Variants in DIS3L2 observed in about 807,000 individuals in gnomAD.
DIS3L2 encodes the protein DIS3 like 3'-5' exoribonuclease 2.
DIS3L2 carries 34 observed loss-of-function variants against 97.5 expected under a neutral mutation model. The ratio of observed to expected loss-of-function variants is 0.35; its 90% CI spans 0.27 to 0.46. The LOEUF is 0.46. Ranked by LOEUF, DIS3L2 falls within the 20% of genes least tolerant of loss-of-function variation. DIS3L2 has a pLI of 1.00. For synonymous variants in DIS3L2, 435 were observed against 445.2 expected (o/e 0.98, Z 0.29); for missense variants, 1,038 against 1,146.0 (o/e 0.91, Z 1.36).
At chr2:232,068,911 G>T (rs1036023661) in intron 5 of DIS3L2, among the ~76,000 whole-genome samples, 1 of 151,988 alleles carries the variant, frequency 6.6e-6, no homozygotes, top group Non-Finnish European at 1.5e-5. Flanking sequence ...TTGCCTCCCG[G>T]GTTCAGGTGA....
chr2:231,977,765 G>A lies in DIS3L2; in HGVS notation c.-94+16000G>A, dbSNP rs537320621. On this transcript the variant is annotated intron_variant, in intron 1 of 20. Transcript: ENST00000325385. ...GAATTGAAAGCTGAGATTTCAAATGGGTTTCATGGAATTTTGATCAGTTAG... is the reference window on the plus strand; with the variant it reads ...GAATTGAAAGCTGAGATTTCAAATGAGTTTCATGGAATTTTGATCAGTTAG... 4.0e-4 allele frequency among the ~76,000 whole-genome samples: 61 copies of A among 152,252 alleles called. 1 individual carries two copies. The highest frequency in any genetic ancestry group is 1.4e-3 in the African/African-American group (59 of 41,552).
chr2:232,095,675 T>C (rs1696984993), intron 6 of DIS3L2, among the ~76,000 whole-genome samples: 1 of 152,220 alleles, frequency 6.6e-6, no homozygotes, highest in Non-Finnish European at 1.5e-5. Flanking sequence ...CTTCAGATGA[T>C]TTTTTATTGC....
At position 232,273,239 on chromosome 2, in the gene DIS3L2, C is replaced by T. The variant is rs925996681; in HGVS notation, c.1659+9799C>T. 2.0e-5 allele frequency among the ~76,000 whole-genome samples: 3 copies of T among 152,202 alleles called. No homozygotes were observed. In the East Asian group the frequency reaches 5.8e-4, roughly 29 times the overall value. The stretch of plus-strand genomic sequence containing the variant: ...TGTCTTTATCACACTGTCACATTGT[C>T]TTGCCATTTTCCTTTTGCTTCCCTG... On this transcript the variant is annotated intron_variant, in intron 13 of 20. Coordinates refer to ENST00000325385, the MANE Select transcript of DIS3L2 (RefSeq NM_152383.5).
intron 9 of DIS3L2, among the ~76,000 whole-genome samples, chr2:232,204,594 G>A (rs950757741): frequency 4.7e-4 from 72 of 152,234 alleles, no homozygotes; most frequent in African/African-American, 1.7e-3. Flanking sequence ...GCGGGTCAGG[G>A]TTAACTTCTT....
At position 232,030,054 on chromosome 2, in the gene DIS3L2, A is replaced by C; in HGVS notation, c.340A>C (p.Lys114Gln). The stretch of plus-strand genomic sequence containing the variant: ...CTTAAATGGGGATCTGGTGGTCGTG[A>C]AACTGCTTCCCGAGGAGCATTGGAA... ...RALNGDLVVV[K>Q]LLPEEHWKVV... Residue 114 changes from lysine (K) to glutamine (Q), a missense_variant, in exon 5 of 21, where the codon AAA (lysine) becomes CAA (glutamine). By Grantham distance (53) the Lys-to-Gln change is moderately conservative. Transcript: ENST00000325385. The C allele has an allele frequency of 6.2e-7, 1 of 1,611,680 alleles. No individual in the cohort carries two copies. The highest frequency in any genetic ancestry group is 8.5e-7 in the Non-Finnish European group (1 of 1,179,090).
At chr2:232,342,240 C>T (rs1438936441) in intron 13 of DIS3L2, among the ~76,000 whole-genome samples, 3 of 134,212 alleles carry the variant, frequency 2.2e-5, no homozygotes, top group African/African-American at 8.6e-5. Flanking sequence ...TATACACATA[C>T]ACATATATAC....
chr2:232,203,026 T>C (rs1486759302), intron 9 of DIS3L2, among the ~76,000 whole-genome samples: 1 of 152,232 alleles, frequency 6.6e-6, no homozygotes, highest in Non-Finnish European at 1.5e-5. Flanking sequence ...CTGGGCTCTC[T>C]GCAATGGTAC....
chr2:232,272,557 T>G (rs1318700504), intron 13 of DIS3L2, among the ~76,000 whole-genome samples: 1 of 152,120 alleles, frequency 6.6e-6, no homozygotes, highest in African/African-American at 2.4e-5. Flanking sequence ...AGGTAAGGGA[T>G]TTATCCCCTC....
At chr2:232,225,501 A>G (rs1692620714) in intron 10 of DIS3L2, among the ~76,000 whole-genome samples, 1 of 152,184 alleles carries the variant, frequency 6.6e-6, no homozygotes, top group South Asian at 2.1e-4. Flanking sequence ...TAGTTATGTA[A>G]AATACAAAGA....
intron 10 of DIS3L2, among the ~76,000 whole-genome samples, chr2:232,221,198 G>A (rs758091823): frequency 6.6e-5 from 10 of 152,096 alleles, no homozygotes; most frequent in East Asian, 1.9e-4. Context: ...CCAAGGGACC[G>A]GAATTCAGAA....
intron 1 of DIS3L2, among the ~76,000 whole-genome samples, chr2:231,990,358 A>C (rs1272516132): frequency 6.6e-6 from 1 of 152,144 alleles, no homozygotes; most frequent in Non-Finnish European, 1.5e-5. Flanking sequence ...TTGTCTCCGA[A>C]GTCTGCACAT....
intron 8 of DIS3L2, among the ~76,000 whole-genome samples, chr2:232,139,513 T>C (rs1698452720): frequency 1.3e-5 from 2 of 152,118 alleles, no homozygotes; most frequent in South Asian, 4.1e-4. Context: ...CAGAGTCCCA[T>C]CCATGACTCA....
At chr2:231,996,948 G>A (rs1360265041) in intron 1 of DIS3L2, among the ~76,000 whole-genome samples, 2 of 152,172 alleles carry the variant, frequency 1.3e-5, no homozygotes, top group East Asian at 1.9e-4. Context: ...CCTGATGACT[G>A]AACTAAAGTA....
chr2:232,016,899 C>CCCCTCCCT (rs938573264), intron 3 of DIS3L2, among the ~76,000 whole-genome samples: 1 of 133,900 alleles, frequency 7.5e-6, no homozygotes, highest in East Asian at 2.5e-4. Context: ...TCCTTTTTGT[C>CCCCTCCCT]CCCTCCCTCC....
chr2:232,341,882 G>T (rs1478995365), downstream of DIS3L2, among the ~76,000 whole-genome samples: 1 of 152,136 alleles, frequency 6.6e-6, no homozygotes, highest in African/African-American at 2.4e-5. Context: ...TTATGGAGGG[G>T]CCCACTCTCA....
intron 5 of DIS3L2, among the ~76,000 whole-genome samples, chr2:232,041,599 T>A (rs1219293350): frequency 6.6e-6 from 1 of 152,148 alleles, no homozygotes; most frequent in Non-Finnish European, 1.5e-5. Flanking sequence ...AAAGGAGTCT[T>A]GGGAGCCCAG....
intron 1 of DIS3L2, among the ~76,000 whole-genome samples, chr2:231,965,139 T>G (rs1046034666): frequency 1.5e-4 from 23 of 152,224 alleles, no homozygotes; most frequent in Non-Finnish European, 1.0e-4. Flanking sequence ...GCTTTGCCAC[T>G]TAGAGTTTCT....
At chr2:232,271,765 A>G (rs1694012905) in intron 13 of DIS3L2, among the ~76,000 whole-genome samples, 1 of 152,196 alleles carries the variant, frequency 6.6e-6, no homozygotes, top group South Asian at 2.1e-4. Flanking sequence ...GGGGTGGAAC[A>G]AGCTGCATCC....
intron 4 of DIS3L2, among the ~76,000 whole-genome samples, chr2:232,028,857 A>G (rs1694730156): frequency 6.6e-6 from 1 of 152,178 alleles, no homozygotes; most frequent in Non-Finnish European, 1.5e-5. Context: ...GGGTGGGGTC[A>G]GTTTTGGCAG....
Sources: gnomAD v4.1 joint callset for allele counts (sites outside exome capture counted in the v4.1 genomes callset) on GRCh38, gnomAD v4.1.1 for gene constraint, MANE v1.5 for transcripts, NCBI Gene and HGNC (gene_info 2026-07-23, HGNC 2026-07-21) for gene names.